The following PPP2R2A variants were observed in gnomAD, a reference collection of about 807,000 sequenced individuals.
The protein encoded by PPP2R2A is serine/threonine-protein phosphatase 2A 55 kDa regulatory subunit B alpha isoform.
Under a neutral mutation model 53.2 loss-of-function variants are expected in PPP2R2A, and 9 were observed. The observed-to-expected ratio is 0.17, with a 90% CI of 0.10 to 0.30. PPP2R2A has a LOEUF of 0.30. PPP2R2A is among the 10% of genes least tolerant of loss of function. The pLI, the probability that PPP2R2A is intolerant of heterozygous loss-of-function variation, is 1.00. For synonymous variants in PPP2R2A, 169 were observed against 174.2 expected (o/e 0.97, Z 0.23); for missense variants, 235 against 534.6 (o/e 0.44, Z 5.53).
intron 4 of PPP2R2A, among the ~76,000 whole-genome samples, chr8:26,355,868 CAA>C (rs35574078): frequency 1.4e-3 from 187 of 130,374 alleles, no homozygotes; most frequent in Middle Eastern, 4.1e-3. Flanking sequence ...AGACTCGTCT[CAA>C]AAAAAAAAAA....
intron 2 of PPP2R2A, among the ~76,000 whole-genome samples, chr8:26,323,461 T>G (rs1802940885): frequency 6.6e-6 from 1 of 152,152 alleles, no homozygotes; most frequent in Non-Finnish European, 1.5e-5. Context: ...TGCCCCCACT[T>G]TTTCCAATGC....
chr8:26,338,877 C>A lies in PPP2R2A; in HGVS notation c.83-13C>A. On this transcript the variant is annotated splice_polypyrimidine_tract_variant and intron_variant, in intron 2 of 9. Transcript: ENST00000380737. This position sits in a 1 kb window ranked among gnomAD's most constrained non-coding sequence, Gnocchi z 4.5. Reference sequence around the variant, plus strand: ...AAACTAATATCTTTTTTTGTTTTGTCTCAATTATACAGCAGATATAATTTC... The same window carrying A: ...AAACTAATATCTTTTTTTGTTTTGTATCAATTATACAGCAGATATAATTTC... The A allele has an allele frequency of 6.6e-7, 1 of 1,517,140 alleles. No individual in the cohort carries two copies. The highest frequency in any genetic ancestry group is 9.0e-7 in the Non-Finnish European group (1 of 1,106,304). The allele number at this position is 1,517,140 out of a possible 1,614,324, so 94.0% of individuals were successfully genotyped here.
chr8:26,299,115 A>C (rs1453533578), intron 2 of PPP2R2A, among the ~76,000 whole-genome samples: 1 of 152,194 alleles, frequency 6.6e-6, no homozygotes, highest in Non-Finnish European at 1.5e-5. Context: ...CTCTACAAAA[A>C]TTAAAAATAT....
At chr8:26,301,221 AG>A (rs1404598517) in intron 2 of PPP2R2A, among the ~76,000 whole-genome samples, 3 of 152,176 alleles carry the variant, frequency 2.0e-5, no homozygotes, top group Non-Finnish European at 4.4e-5. Flanking sequence ...GTTTATAACA[AG>A]GTTTATTTGT....
chr8:26,321,756 G>A lies in PPP2R2A; in HGVS notation c.83-17134G>A, dbSNP rs543793513. ...ACTTTGTGAGAGACCTTGAACGCAAGGCCCCCTGGCTAAGTCACACCTAGA... is the reference window on the plus strand; with the variant it reads ...ACTTTGTGAGAGACCTTGAACGCAAAGCCCCCTGGCTAAGTCACACCTAGA... On this transcript the variant is annotated intron_variant, in intron 2 of 9. Coordinates refer to ENST00000380737, the MANE Select transcript of PPP2R2A (RefSeq NM_002717.4). The surrounding 1 kb of genome is among the most constrained non-coding windows in gnomAD (Gnocchi z 4.1). 6.6e-6 allele frequency among the ~76,000 whole-genome samples: 1 copy of A among 152,168 alleles called. No homozygotes were observed. The highest frequency in any genetic ancestry group is 1.5e-5 in the Non-Finnish European group (1 of 68,032).
intron 8 of PPP2R2A, chr8:26,365,474 G>A (rs1228835825): frequency 6.6e-6 from 1 of 152,110 alleles, no homozygotes; most frequent in Admixed American, 6.5e-5. Flanking sequence ...ATATAGAATA[G>A]AGAATTCTAA....
chr8:26,294,575 T>C (rs1296307211), intron 2 of PPP2R2A, among the ~76,000 whole-genome samples: 1 of 152,228 alleles, frequency 6.6e-6, no homozygotes, highest in African/African-American at 2.4e-5. Flanking sequence ...TGAATTACAG[T>C]AGGAATTTTC....
intron 2 of PPP2R2A, among the ~76,000 whole-genome samples, chr8:26,329,250 G>C (rs1389757874): frequency 6.6e-6 from 1 of 151,954 alleles, no homozygotes; most frequent in Non-Finnish European, 1.5e-5. Flanking sequence ...ACTCTTAATT[G>C]CATACCTTTT....
chr8:26,292,567 A>C, intron 1 of PPP2R2A: 1 of 551,948 alleles, frequency 1.8e-6, no homozygotes, highest in Non-Finnish European at 2.3e-6. Context: ...AGAGATATAA[A>C]TAGCAAGGAG....
intron 3 of PPP2R2A, among the ~76,000 whole-genome samples, chr8:26,348,353 C>G (rs1482874607): frequency 1.3e-5 from 2 of 152,116 alleles, no homozygotes; most frequent in Admixed American, 6.5e-5. Context: ...CCAAAGTATT[C>G]CAGAATTGGA....
chr8:26,323,341 A>G (rs1291215962), intron 2 of PPP2R2A, among the ~76,000 whole-genome samples: 7 of 152,222 alleles, frequency 4.6e-5, no homozygotes, highest in Non-Finnish European at 8.8e-5. Flanking sequence ...CAAGCAAGCA[A>G]TCAGTTTTGC....
At position 26,335,725 on chromosome 8, in the gene PPP2R2A, A is replaced by C. The variant is rs149350639; in HGVS notation, c.83-3165A>C. 2.5e-3 allele frequency among the ~76,000 whole-genome samples: 379 copies of C among 152,264 alleles called. 4 individuals carry two copies. Among genetic ancestry groups the C allele is most frequent in the African/African-American group, 8.6e-3 (359 of 41,558 alleles). On this transcript the variant is annotated intron_variant, in intron 2 of 9. Coordinates refer to ENST00000380737, the MANE Select transcript of PPP2R2A (RefSeq NM_002717.4). ...CAGTGAGTTGACTTTTGTGGTGTAA[A>C]TCTTTGGTTCTTGTCCTTTCCTGAT... is the stretch of plus-strand genomic sequence containing the variant.
intron 2 of PPP2R2A, among the ~76,000 whole-genome samples, chr8:26,325,623 C>T (rs1447113103): frequency 6.6e-6 from 1 of 152,146 alleles, no homozygotes; most frequent in Non-Finnish European, 1.5e-5. Context: ...TGGCTTTCAT[C>T]TGTAGCTGTC....
At chr8:26,325,305 T>G (rs1408359752) in intron 2 of PPP2R2A, among the ~76,000 whole-genome samples, 1 of 151,886 alleles carries the variant, frequency 6.6e-6, no homozygotes, top group Non-Finnish European at 1.5e-5. Context: ...TCTCATGAGA[T>G]TTGATGGGTT....
intron 2 of PPP2R2A, among the ~76,000 whole-genome samples, chr8:26,296,226 C>G (rs1432237527): frequency 6.6e-6 from 1 of 152,164 alleles, no homozygotes; most frequent in South Asian, 2.1e-4. Context: ...TTGTCATTTT[C>G]CTCATAAGTC....
chr8:26,321,866 T>C lies in PPP2R2A; in HGVS notation c.83-17024T>C, dbSNP rs1220489756. On this transcript the variant is annotated intron_variant, in intron 2 of 9. Coordinates refer to ENST00000380737, the MANE Select transcript of PPP2R2A (RefSeq NM_002717.4). This position sits in a 1 kb window ranked among gnomAD's most constrained non-coding sequence, Gnocchi z 4.1. ...ATTTTTAAGGCAGCAATAGAGAACT[T>C]ATATAGGAAGTAACAATGTCAACAT... 1.3e-5 allele frequency among the ~76,000 whole-genome samples: 2 copies of C among 152,232 alleles called. No individual in the cohort carries two copies. The highest frequency in any genetic ancestry group is 6.5e-5 in the Admixed American group (1 of 15,284).
intron 2 of PPP2R2A, among the ~76,000 whole-genome samples, chr8:26,296,321 C>T (rs2117185498): frequency 6.6e-6 from 1 of 152,288 alleles, no homozygotes; most frequent in Admixed American, 6.5e-5. Context: ...CCAATATGGC[C>T]TCTGCTCTCA....
chr8:26,302,292 GAA>G (rs1235759573), intron 2 of PPP2R2A, among the ~76,000 whole-genome samples: 1 of 152,162 alleles, frequency 6.6e-6, no homozygotes. Flanking sequence ...TAGAATTTTG[GAA>G]AACACGTCTC....
rs1802852678 is a variant in PPP2R2A at position 26,321,757 on chromosome 8, G to GCC, written c.83-17129_83-17128dup. On this transcript the variant is annotated intron_variant, in intron 2 of 9. Transcript: ENST00000380737. The surrounding 1 kb of genome is among the most constrained non-coding windows in gnomAD (Gnocchi z 4.1). ...CTTTGTGAGAGACCTTGAACGCAAGGCCCCCTGGCTAAGTCACACCTAGAT... is the reference window on the plus strand; with the variant it reads ...CTTTGTGAGAGACCTTGAACGCAAGGCCCCCCCTGGCTAAGTCACACCTAGAT... Among the ~76,000 whole-genome samples the GCC allele has an allele frequency of 6.6e-6, 1 of 152,140 alleles. No homozygotes were observed.
Sources: gnomAD v4.1 joint callset for allele counts (sites outside exome capture counted in the v4.1 genomes callset) on GRCh38, gnomAD v4.1.1 for gene constraint, Gnocchi (gnomAD v3.1) non-coding constraint, MANE v1.5 for transcripts, NCBI Gene and HGNC (gene_info 2026-07-23, HGNC 2026-07-21) for gene names.